Variants in TEX15 observed in about 807,000 individuals in gnomAD.
TEX15 encodes the protein testis-expressed protein 15.
A neutral mutation model predicts 237.3 loss-of-function variants in TEX15; 171 were observed. That is an observed-to-expected ratio of 0.72 (90% CI 0.64 to 0.82). The LOEUF (loss-of-function observed/expected upper bound fraction) is 0.82, where lower values mean the gene tolerates loss of function less well. Ranked by LOEUF, TEX15 falls within the 40% of genes least tolerant of loss-of-function variation. The probability of loss-of-function intolerance (pLI) is 0.00; values close to 1 mark genes in which losing one functional copy is unlikely to be tolerated. For missense variants in TEX15, 3,750 were observed against 3,646.5 expected (o/e 1.03, Z -0.73); for synonymous variants, 1,338 against 1,269.8 (o/e 1.05, Z -1.14).
chr8:30,886,897 T>C (rs1191213608), intron 3 of TEX15: 1 of 268,774 alleles, frequency 3.7e-6, no homozygotes, highest in East Asian at 7.1e-5. Context: ...TCACATTCCC[T>C]AGTTGGTTGG....
Position 30,846,387 on chromosome 8 carries a change from A to G in TEX15, c.3780T>C (p.Ser1260=). The stretch of plus-strand genomic sequence containing the variant: ...TGACATTAGAAGGTTCAGTAAACAA[A>G]GATTCACTGTTCTGATTTTCAGACG... ...NHTSENQNSE[S]LFTEPSNVTT... Residue 1260 remains serine (S), a synonymous_variant, in exon 8 of 11, where the codon TCT becomes TCC. Transcript: ENST00000643185. 1 of 1,613,422 alleles carries G rather than the reference A, an allele frequency of 6.2e-7. No homozygotes were observed. Among genetic ancestry groups the G allele is most frequent in the Non-Finnish European group, 8.5e-7 (1 of 1,179,704 alleles).
intron 2 of TEX15, among the ~76,000 whole-genome samples, chr8:30,895,620 T>C (rs1808886247): frequency 6.7e-6 from 1 of 149,996 alleles, no homozygotes; most frequent in Non-Finnish European, 1.5e-5. Flanking sequence ...GACATTCCAT[T>C]AGGTAAATGT....
rs547869754 is a variant in TEX15, at chr8:30,896,074, A to G, written c.-10+2668T>C. On this transcript the variant is annotated intron_variant, in intron 2 of 10. Transcript: ENST00000643185. ...AAATCTTTTAATGTGAAGTTCGACT[A>G]TTGGTACCTTGGAACTTGGGAGAAG... 3.2e-4 allele frequency among the ~76,000 whole-genome samples: 48 copies of G among 152,266 alleles called. No individual in the cohort carries two copies. The South Asian group carries it at 3.9e-3, about 12-fold the overall frequency.
rs983950206 is a variant in TEX15, at chr8:30,842,657, C to A, written c.7510G>T (p.Asp2504Tyr). 1.7e-5 allele frequency: 28 copies of A among 1,612,414 alleles called. No individual in the cohort carries two copies. The highest frequency in any genetic ancestry group is 2.4e-5 in the Non-Finnish European group (28 of 1,179,830). ...SFSFLKDNST[D>Y]VCLWKVIETA... ...TCTATCACTTTCCAAAGGCAAACATCTGTTGAGTTATCTTTAAGAAATGAA... is the reference window on the plus strand; with the variant it reads ...TCTATCACTTTCCAAAGGCAAACATATGTTGAGTTATCTTTAAGAAATGAA... The change falls in exon 8 of 11, where the codon GAT becomes TAT. Residue 2504 changes from aspartate to tyrosine, a missense_variant. Coordinates refer to ENST00000643185, the MANE Select transcript of TEX15 (RefSeq NM_001350162.2).
intron 2 of TEX15, among the ~76,000 whole-genome samples, chr8:30,896,513 A>C (rs2128778108): frequency 6.6e-6 from 1 of 152,106 alleles, no homozygotes; most frequent in South Asian, 2.1e-4. Flanking sequence ...TAATTCCAGT[A>C]GTTACCTCAG....
chr8:30,846,721 C>G lies in TEX15; in HGVS notation c.3446G>C (p.Ser1149Thr). 1 of 1,613,648 alleles carries G rather than the reference C, an allele frequency of 6.2e-7. No homozygotes were observed. Among genetic ancestry groups the G allele is most frequent in the Non-Finnish European group, 8.5e-7 (1 of 1,179,764 alleles). ...TTGTAGATCTGGAAGTAAAATTGGG[C>G]TGGTAAGTTCTGTTTCATTGTTTTG... is the stretch of plus-strand genomic sequence containing the variant. ...STQNNETELT[S>T]PILLPDLQIK... The change falls in exon 8 of 11, where the codon AGC (serine) becomes ACC (threonine). Residue 1149 changes from serine to threonine, a missense_variant. Transcript: ENST00000643185.
At position 30,842,370 on chromosome 8, in the gene TEX15, C is replaced by T; in HGVS notation, c.7797G>A (p.Met2599Ile). The T allele has an allele frequency of 1.9e-6, 3 of 1,613,810 alleles. No individual in the cohort carries two copies. The highest frequency in any genetic ancestry group is 4.5e-5 in the East Asian group (2 of 44,838). Residue 2599 changes from methionine to isoleucine, a missense_variant, in exon 8 of 11, where the codon ATG becomes ATA. By Grantham distance (10) the Met-to-Ile change is conservative. Transcript: ENST00000643185. ...TTCCTAAATCTTTCCTAGGGGCAGA[C>T]ATTACATTCTTCAGCAGTGTAGAAA... Reference protein sequence around the residue: ...NQFSTLLKNVMSAPRKDLGKM... With the variant: ...NQFSTLLKNVISAPRKDLGKM...
intron 1 of TEX15, among the ~76,000 whole-genome samples, chr8:30,903,847 T>C (rs1809048469): frequency 6.6e-6 from 1 of 152,130 alleles, no homozygotes; most frequent in Non-Finnish European, 1.5e-5. Flanking sequence ...TGAAATCAGA[T>C]ATGGTGTTAG....
chr8:30,902,089 T>C (rs553689478), intron 1 of TEX15, among the ~76,000 whole-genome samples: 1 of 152,288 alleles, frequency 6.6e-6, no homozygotes, highest in South Asian at 2.1e-4. Flanking sequence ...ATCTAGAGGC[T>C]GGGCCCGGAA....
chr8:30,860,410 C>A (rs989880833), intron 5 of TEX15, among the ~76,000 whole-genome samples: 1 of 151,882 alleles, frequency 6.6e-6, no homozygotes. Context: ...CCGTGCCAGG[C>A]CCTGATTTTT....
At chr8:30,911,183 A>C (rs1362478386) in intron 1 of TEX15, among the ~76,000 whole-genome samples, 1 of 152,156 alleles carries the variant, frequency 6.6e-6, no homozygotes, top group Non-Finnish European at 1.5e-5. Context: ...GCAGTGGTGC[A>C]ATCTCAGCTC....
At chr8:30,840,178 T>A (rs548809110) in intron 8 of TEX15, among the ~76,000 whole-genome samples, 31 of 152,060 alleles carry the variant, frequency 2.0e-4, no homozygotes, top group Non-Finnish European at 3.4e-4. Flanking sequence ...AATAAATTTG[T>A]AACATTCTTC....
intron 5 of TEX15, among the ~76,000 whole-genome samples, chr8:30,862,804 C>A (rs991663226): frequency 1.3e-5 from 2 of 151,980 alleles, no homozygotes; most frequent in African/African-American, 4.8e-5. Context: ...ATGTTTATTT[C>A]TCCAAGAAAA....
intron 2 of TEX15, among the ~76,000 whole-genome samples, chr8:30,890,247 T>C (rs1369015662): frequency 6.6e-6 from 1 of 151,912 alleles, no homozygotes; most frequent in Non-Finnish European, 1.5e-5. Flanking sequence ...TTTAAGAGAA[T>C]GTATGTTATG....
In TEX15 at chr8:30,845,823, T is replaced by C; in HGVS notation, c.4344A>G (p.Ser1448=). 2 of 1,607,758 alleles carry C rather than the reference T, an allele frequency of 1.2e-6. No individual in the cohort carries two copies. The highest frequency in any genetic ancestry group is 1.7e-6 in the Non-Finnish European group (2 of 1,178,392). ...RKYYSTKHFS[S]KRKYDKRRKK... is the part of the protein sequence containing the mutation. ...TTCTCCGTTTGTCATATTTTCTTTT[T>C]GACGAAAAATGCTTAGTAGAATAAT... The change falls in exon 8 of 11, where the codon TCA becomes TCG. Residue 1448 remains serine, a synonymous_variant. Transcript: ENST00000643185.
chr8:30,911,280 A>G (rs1360884171), intron 1 of TEX15, among the ~76,000 whole-genome samples: 1 of 152,152 alleles, frequency 6.6e-6, no homozygotes, highest in Non-Finnish European at 1.5e-5. Flanking sequence ...GCAACACATC[A>G]GCTAATTTTC....
chr8:30,867,122 T>C, intron 5 of TEX15, 143 bp downstream of exon 5: 1 of 344,672 alleles, frequency 2.9e-6, no homozygotes, highest in Admixed American at 4.6e-5. Flanking sequence ...TGAATAATGA[T>C]GACAAAAATA....
chr8:30,839,450 T>C (rs961427414), intron 9 of TEX15, among the ~76,000 whole-genome samples: 2 of 152,202 alleles, frequency 1.3e-5, no homozygotes, highest in Admixed American at 1.3e-4. Context: ...AGTAATCTTA[T>C]CACTTGTCCT....
rs562520009 is a variant in TEX15 at position 30,910,922 on chromosome 8, A to G, written c.-86+1957T>C. Among the ~76,000 whole-genome samples the G allele has an allele frequency of 1.5e-4, 23 of 152,286 alleles. No homozygotes were observed. In the South Asian group the frequency reaches 4.8e-3, roughly 32 times the overall value. On this transcript the variant is annotated intron_variant, in intron 1 of 10. Transcript: ENST00000643185. Reference sequence around the variant, plus strand: ...TTAAAGGCCTTTAAGAAAGTGGGCAATAACAAAGCATTAAACGTATCTCTA... The same window carrying G: ...TTAAAGGCCTTTAAGAAAGTGGGCAGTAACAAAGCATTAAACGTATCTCTA...
Sources: gnomAD v4.1 joint callset for allele counts (sites outside exome capture counted in the v4.1 genomes callset) on GRCh38, gnomAD v4.1.1 for gene constraint, MANE v1.5 for transcripts, NCBI Gene and HGNC (gene_info 2026-07-23, HGNC 2026-07-21) for gene names.